Variants in COL2A1 observed in about 807,000 individuals in gnomAD.
COL2A1 encodes the protein collagen alpha-1(II) chain.
A neutral mutation model predicts 204.5 loss-of-function variants in COL2A1; 28 were observed. That is an observed-to-expected ratio of 0.14 (90% CI 0.10 to 0.19). The LOEUF (loss-of-function observed/expected upper bound fraction) is 0.19. Among genes scored for constraint, COL2A1 ranks in the 10% least tolerant of loss-of-function variants. The pLI is 1.00. For synonymous variants in COL2A1, 708 were observed against 718.7 expected (o/e 0.99, Z 0.24); for missense variants, 1,388 against 2,027.5 (o/e 0.68, Z 6.06).
intron 18 of COL2A1, among the ~76,000 whole-genome samples, chr12:47,988,096 C>T (rs949377608): frequency 6.6e-6 from 1 of 152,242 alleles, no homozygotes; most frequent in African/African-American, 2.4e-5. Context: ...CTCTCTCCCC[C>T]ACCTCCTGTT....
At chr12:47,985,409 C>T (rs553529596) in intron 26 of COL2A1, 125 bp downstream of exon 26, 367 of 1,027,876 alleles carry the variant, frequency 3.6e-4, no homozygotes, top group African/African-American at 1.7e-3. Flanking sequence ...CCATCTACCC[C>T]CTGTCACAAT....
At chr12:47,975,641 G>A in intron 50 of COL2A1, 36 bp from the exon 51 acceptor site, 2 of 1,592,514 alleles carry the variant, frequency 1.3e-6, no homozygotes, top group Non-Finnish European at 1.7e-6. Context: ...CCAGGATTGT[G>A]TGAAAGTGCC....
chr12:47,992,606 G>C (rs190089446), intron 16 of COL2A1, among the ~76,000 whole-genome samples: 1 of 152,286 alleles, frequency 6.6e-6, no homozygotes, highest in Admixed American at 6.5e-5. Flanking sequence ...ATTGCCCAGG[G>C]AGTGGGTGGT....
At chr12:47,983,516 G>T in intron 30 of COL2A1, 78 bp from the exon 31 acceptor site, 1 of 1,517,022 alleles carries the variant, frequency 6.6e-7, no homozygotes, top group Non-Finnish European at 9.1e-7. Flanking sequence ...GTATAGGGCA[G>T]ACCCAAAGAA....
chr12:47,995,408 T>C, intron 10 of COL2A1, 100 bp from the exon 11 acceptor site: 1 of 1,061,360 alleles, frequency 9.4e-7, no homozygotes, highest in Non-Finnish European at 1.5e-6. Flanking sequence ...CCAGTTCTTC[T>C]ATGAAGAAGA....
chr12:48,002,654 C>T (rs1271853158), intron 1 of COL2A1: 1 of 152,276 alleles, frequency 6.6e-6, no homozygotes, highest in Admixed American at 6.5e-5. Flanking sequence ...AGCCACCCAG[C>T]TAATTCCATT....
Position 47,974,809 on chromosome 12 carries a change from A to C in COL2A1, c.3940T>G (p.Phe1314Val). 1 of 1,614,212 alleles carries C rather than the reference A, an allele frequency of 6.2e-7. No homozygotes were observed. The change falls in exon 52 of 54, where the codon TTC (phenylalanine) becomes GTC (valine). Residue 1314 changes from phenylalanine to valine, a missense_variant. Phe to Val is a conservative substitution (Grantham distance 50). Coordinates refer to ENST00000380518, the MANE Select transcript of COL2A1 (RefSeq NM_001844.5). ...QGCTLDAMKV[F>V]CNMETGETCV... The stretch of plus-strand genomic sequence containing the variant: ...GTCTCGCCAGTCTCCATGTTGCAGA[A>C]AACCTTCATGGCGTCCAAGGTGCAG...
rs3837527 is a variant in COL2A1 at position 47,991,839 on chromosome 12, GCTCTCTAATCCC to G, written c.1023+1027_1023+1038del. ...GGCAGTGTTTCTTGGCAGCCCCAGTGCTCTCTAATCCCCTCACACAAAGTGACCCTGGGGCAA... is the reference window on the plus strand; with the variant it reads ...GGCAGTGTTTCTTGGCAGCCCCAGTGCTCACACAAAGTGACCCTGGGGCAA... On this transcript the variant is annotated intron_variant, in intron 16 of 53. Coordinates refer to ENST00000380518, the MANE Select transcript of COL2A1 (RefSeq NM_001844.5). 2.0e-4 allele frequency among the ~76,000 whole-genome samples: 30 copies of G among 152,300 alleles called. No individual in the cohort carries two copies. The East Asian group carries it at 5.8e-3, about 29-fold the overall frequency.
At position 47,987,716 on chromosome 12, in the gene COL2A1, A is replaced by G. The variant is rs1939504396; in HGVS notation, c.1123-7T>C. The G allele has an allele frequency of 1.2e-6, 2 of 1,603,788 alleles. No homozygotes were observed. Among genetic ancestry groups the G allele is most frequent in the Non-Finnish European group, 1.7e-6 (2 of 1,173,194 alleles). On this transcript the variant is annotated splice_polypyrimidine_tract_variant and splice_region_variant and intron_variant, in intron 18 of 53. Transcript: ENST00000380518. This position sits in a 1 kb window ranked among gnomAD's most constrained non-coding sequence, Gnocchi z 4.1. ...CAGTGGGGCCGGCTTCACCCTGGGA[A>G]GAGACAGGGAGGATGAAATGAAGAA...
chr12:47,986,920 T>C, intron 21 of COL2A1, 32 bp from the exon 22 acceptor site: 3 of 1,613,570 alleles, frequency 1.9e-6, no homozygotes, highest in Non-Finnish European at 2.5e-6. Context: ...TCACACCAGA[T>C]TCTCTCCAGG....
intron 1 of COL2A1, among the ~76,000 whole-genome samples, chr12:48,003,387 C>T (rs938288039): frequency 9.9e-5 from 15 of 152,212 alleles, no homozygotes; most frequent in African/African-American, 2.2e-4. Context: ...AGAAAAGTAA[C>T]TCATTGTAGT....
intron 51 of COL2A1, 45 bp from the exon 52 acceptor site, chr12:47,974,907 A>G: frequency 6.3e-7 from 1 of 1,585,188 alleles, no homozygotes; most frequent in Admixed American, 1.7e-5. Flanking sequence ...AGACAGGCAC[A>G]GACACAAAAG....
intron 27 of COL2A1, 115 bp downstream of exon 27, chr12:47,984,880 C>T (rs1565680910): frequency 1.1e-6 from 1 of 910,972 alleles, no homozygotes. Flanking sequence ...GCACAGGAGC[C>T]CCACTCATCA....
At chr12:47,979,408 T>A in intron 41 of COL2A1, 103 bp downstream of exon 41, 1 of 1,206,470 alleles carries the variant, frequency 8.3e-7, no homozygotes, top group Non-Finnish European at 1.2e-6. Context: ...AGGAACGGAC[T>A]CAGAGGAGTG....
At position 47,993,393 on chromosome 12, in the gene COL2A1, C is replaced by T. The variant is rs371879730; in HGVS notation, c.969+65G>A. On this transcript the variant is annotated intron_variant, in intron 15 of 53. Coordinates refer to ENST00000380518, the MANE Select transcript of COL2A1 (RefSeq NM_001844.5). Reference sequence around the variant, plus strand: ...ATATGAACTTTGCACAAAGGGAGCTCTTTGCAGCCATCTGATAGTCTGAAG... The same window carrying T: ...ATATGAACTTTGCACAAAGGGAGCTTTTTGCAGCCATCTGATAGTCTGAAG... The T allele has an allele frequency of 1.5e-4, 191 of 1,263,114 alleles. No individual in the cohort carries two copies. In the African/African-American group the frequency reaches 2.6e-3, roughly 17 times the overall value. 78.2% of individuals were successfully genotyped at this position (1,263,114 alleles called of 1,614,324 possible).
At chr12:47,977,733 G>A in intron 44 of COL2A1, 80 bp from the exon 45 acceptor site, 1 of 1,468,884 alleles carries the variant, frequency 6.8e-7, no homozygotes, top group Admixed American at 1.8e-5. Flanking sequence ...CCTCTCAGAA[G>A]CCCAGGCCTC....
At chr12:48,002,278 G>A (rs1451540664) in intron 1 of COL2A1, among the ~76,000 whole-genome samples, 1 of 152,160 alleles carries the variant, frequency 6.6e-6, no homozygotes, top group Non-Finnish European at 1.5e-5. Context: ...TGCAGATGAG[G>A]GTCAAAGACG....
chr12:47,986,555 G>C (rs1220417589), intron 22 of COL2A1, 112 bp from the exon 23 acceptor site: 11 of 766,168 alleles, frequency 1.4e-5, no homozygotes, highest in Admixed American at 6.6e-5. Flanking sequence ...GGCTGGGGGG[G>C]GGCTTGAGGA....
Position 47,977,642 on chromosome 12 carries a change from A to T in COL2A1, c.3123T>A (p.Gly1041=), listed in dbSNP as rs749834758. The change falls in exon 45 of 54, where the codon GGT becomes GGA. Residue 1041 remains glycine (G), a synonymous_variant. Coordinates refer to ENST00000380518, the MANE Select transcript of COL2A1 (RefSeq NM_001844.5). ...CATCTCTGCCAGGGGGGCCATCAGC[A>T]CCGGGGCTTCCCTGGACAAAGTGAA... ...AGEPGREGSP[G]ADGPPGRDGA... 6.2e-7 allele frequency: 1 copy of T among 1,614,042 alleles called. No homozygotes were observed. The highest frequency in any genetic ancestry group is 1.7e-5 in the Admixed American group (1 of 60,004).
Sources: gnomAD v4.1 joint callset for allele counts (sites outside exome capture counted in the v4.1 genomes callset) on GRCh38, gnomAD v4.1.1 for gene constraint, Gnocchi (gnomAD v3.1) non-coding constraint, MANE v1.5 for transcripts, NCBI Gene and HGNC (gene_info 2026-07-23, HGNC 2026-07-21) for gene names.